DISC1: variants seen among roughly 807,000 people sequenced by gnomAD.
DISC1 encodes the protein disrupted in schizophrenia 1 protein.
DISC1 carries 57 observed loss-of-function variants against 84.5 expected under a neutral mutation model. The ratio of observed to expected loss-of-function variants is 0.67; its 90% confidence interval spans 0.55 to 0.84. The LOEUF is 0.84. DISC1 is among the 40% of genes least tolerant of loss of function. DISC1 has a pLI of 0.00. For synonymous variants in DISC1, 411 were observed against 415.2 expected (o/e 0.99, Z 0.12); for missense variants, 1,000 against 1,057.8 (o/e 0.95, Z 0.76).
intron 1 of DISC1, among the ~76,000 whole-genome samples, chr1:231,667,182 T>A (rs528718164): frequency 1.3e-5 from 2 of 152,320 alleles, no homozygotes; most frequent in East Asian, 3.9e-4. Context: ...TTTAAGGTAC[T>A]CAAGAGGACC....
intron 1 of DISC1, among the ~76,000 whole-genome samples, chr1:231,681,396 C>G (rs184839314): frequency 2.0e-5 from 3 of 150,234 alleles, no homozygotes; most frequent in African/African-American, 7.5e-5. Flanking sequence ...GGCTCTCACT[C>G]GTGTGTGTTT....
intron 10 of DISC1, among the ~76,000 whole-genome samples, chr1:231,996,579 A>C (rs1665990003): frequency 6.6e-6 from 1 of 152,200 alleles, no homozygotes; most frequent in Non-Finnish European, 1.5e-5. Flanking sequence ...ATAAGAGCTG[A>C]AACTCTAGGC....
intron 9 of DISC1, among the ~76,000 whole-genome samples, chr1:231,846,653 A>G (rs1293931437): frequency 6.6e-6 from 1 of 152,228 alleles, no homozygotes; most frequent in African/African-American, 2.4e-5. Context: ...ATGTTGAAAA[A>G]CAAAAAAGAC....
intron 10 of DISC1, among the ~76,000 whole-genome samples, chr1:231,996,608 TA>T (rs1365137092): frequency 2.6e-5 from 4 of 152,176 alleles, no homozygotes; most frequent in African/African-American, 9.7e-5. Context: ...CAGAACTCAG[TA>T]TTTACTCTCC....
At chr1:231,701,337 G>GAC (rs1255196212) in intron 2 of DISC1, among the ~76,000 whole-genome samples, 1 of 152,158 alleles carries the variant, frequency 6.6e-6, no homozygotes, top group Admixed American at 6.5e-5. Flanking sequence ...TTTGGGTGGG[G>GAC]ACACAGCCAA....
intron 6 of DISC1, among the ~76,000 whole-genome samples, chr1:231,777,810 A>G (rs1376720955): frequency 6.6e-6 from 1 of 152,242 alleles, no homozygotes; most frequent in Admixed American, 6.5e-5. Flanking sequence ...ATACTTGCTT[A>G]CAATAACCCT....
In DISC1 at chr1:231,928,470, G is replaced by A. The variant is rs185008156; in HGVS notation, c.1982-30358G>A. 2.7e-3 allele frequency among the ~76,000 whole-genome samples: 417 copies of A among 152,210 alleles called. 3 individuals carry two copies. The highest frequency in any genetic ancestry group is 9.2e-3 in the African/African-American group (380 of 41,524). On this transcript the variant is annotated intron_variant, in intron 9 of 12. Coordinates refer to ENST00000439617, the MANE Select transcript of DISC1 (RefSeq NM_018662.3). ...TTTCTTCTTTATTAGTCTAGCTAGC[G>A]GTCTATCTATTTTGTTAATCTTTTC...
rs191260294 is a variant in DISC1 at position 231,768,134 on chromosome 1, C to T, written c.1398+865C>T. Among the ~76,000 whole-genome samples, 190 of 152,284 alleles carry T rather than the reference C, an allele frequency of 1.2e-3. 1 individual carries two copies. Among genetic ancestry groups the T allele is most frequent in the Middle Eastern group, 0.01 (3 of 294 alleles). On this transcript the variant is annotated intron_variant, in intron 5 of 12. Transcript: ENST00000439617. ...GCCAGAGCTCTGGAAGTTGACAGGG[C>T]ACCCCAGAGGCAGGGAATCTTGAAA...
chr1:231,908,969 T>A (rs1274476452), intron 9 of DISC1, among the ~76,000 whole-genome samples: 1 of 152,206 alleles, frequency 6.6e-6, no homozygotes, highest in African/African-American at 2.4e-5. Flanking sequence ...TGGCTCTCTG[T>A]TTGTCTGTTA....
intron 8 of DISC1, among the ~76,000 whole-genome samples, chr1:231,814,142 T>C (rs1301194131): frequency 6.6e-6 from 1 of 152,238 alleles, no homozygotes; most frequent in African/African-American, 2.4e-5. Context: ...GAAATCTGCC[T>C]GCTAAGTAAC....
intron 1 of DISC1, among the ~76,000 whole-genome samples, chr1:231,633,408 C>A (rs1358206057): frequency 6.6e-6 from 1 of 152,170 alleles, no homozygotes; most frequent in Non-Finnish European, 1.5e-5. Flanking sequence ...GGGGAGGGGG[C>A]TGCGTTGGAT....
intron 11 of DISC1, among the ~76,000 whole-genome samples, chr1:232,025,898 T>C (rs1004494959): frequency 5.3e-5 from 8 of 152,142 alleles, no homozygotes; most frequent in African/African-American, 1.7e-4. Context: ...TAAGCTCCCA[T>C]GTATGGTGGT....
chr1:231,728,593 A>G (rs1390011812), intron 3 of DISC1, among the ~76,000 whole-genome samples: 2 of 152,246 alleles, frequency 1.3e-5, no homozygotes, highest in African/African-American at 4.8e-5. Flanking sequence ...TAACGGCCAA[A>G]GATGTAACTG....
rs189597502 is a variant in DISC1, at chr1:231,962,381, T to C, written c.2042+3493T>C. 2.1e-3 allele frequency among the ~76,000 whole-genome samples: 326 copies of C among 152,318 alleles called. 3 individuals carry two copies. Among genetic ancestry groups the C allele is most frequent in the African/African-American group, 7.6e-3 (315 of 41,576 alleles). The stretch of plus-strand genomic sequence containing the variant: ...TTTTCTGTGCAGAAATGGTTTAGTT[T>C]GATTAGGTCCCACTTGTCAATTTGT... On this transcript the variant is annotated intron_variant, in intron 10 of 12. Transcript: ENST00000439617.
intron 10 of DISC1, among the ~76,000 whole-genome samples, chr1:231,966,988 C>G (rs1271052302): frequency 6.6e-6 from 1 of 152,202 alleles, no homozygotes; most frequent in Non-Finnish European, 1.5e-5. Flanking sequence ...AAGGAACTGT[C>G]AAGAACTCAA....
intron 3 of DISC1, among the ~76,000 whole-genome samples, chr1:231,708,459 T>C (rs188883519): frequency 6.6e-6 from 1 of 152,352 alleles, no homozygotes; most frequent in Admixed American, 6.5e-5. Context: ...GAAGAGATGT[T>C]TGGACATCGG....
At chr1:231,691,314 C>G (rs1195982128) in intron 1 of DISC1, among the ~76,000 whole-genome samples, 1 of 151,966 alleles carries the variant, frequency 6.6e-6, no homozygotes. Context: ...ACCCGCAATC[C>G]CAGCTACTTG....
chr1:231,971,242 T>TA (rs1661911625), intron 10 of DISC1, among the ~76,000 whole-genome samples: 1 of 152,192 alleles, frequency 6.6e-6, no homozygotes. Context: ...AGTAGGTAGA[T>TA]AACAAATTTG....
chr1:231,728,684 T>C (rs2071082502), intron 3 of DISC1, among the ~76,000 whole-genome samples: 1 of 152,236 alleles, frequency 6.6e-6, no homozygotes, highest in Non-Finnish European at 1.5e-5. Context: ...ATTCTGTTAC[T>C]ATTGCATTTT....
Sources: gnomAD v4.1 joint callset for allele counts (sites outside exome capture counted in the v4.1 genomes callset) on GRCh38, gnomAD v4.1.1 for gene constraint, MANE v1.5 for transcripts, NCBI Gene and HGNC (gene_info 2026-07-23, HGNC 2026-07-21) for gene names.